Variants in CNTN5 observed in about 807,000 individuals in gnomAD.
The protein encoded by CNTN5 is contactin-5.
In CNTN5, 77 loss-of-function variants were observed where a neutral mutation model predicts 129.1. The observed-to-expected ratio is 0.60, with a 90% CI of 0.50 to 0.72. The LOEUF (loss-of-function observed/expected upper bound fraction) is 0.72. Ranked by LOEUF, CNTN5 falls within the 30% of genes least tolerant of loss-of-function variation. The pLI, the probability that CNTN5 is intolerant of heterozygous loss-of-function variation, is 0.00. For synonymous variants in CNTN5, 509 were observed against 465.6 expected (o/e 1.09, Z -1.20); for missense variants, 1,478 against 1,328.8 (o/e 1.11, Z -1.75).
intron 13 of CNTN5, among the ~76,000 whole-genome samples, chr11:100,153,416 T>C (rs1432162167): frequency 2.6e-5 from 4 of 152,152 alleles, no homozygotes; most frequent in African/African-American, 4.8e-5. Context: ...ATTTTAAATA[T>C]TGAAAATTCC....
chr11:100,340,317 A>G, intron 21 of CNTN5, 146 bp from the exon 22 acceptor site: 1 of 592,084 alleles, frequency 1.7e-6, no homozygotes, highest in Non-Finnish European at 3.0e-6. Context: ...TGGCCTTATT[A>G]GTAAGACCTG....
At chr11:99,678,470 A>G (rs1337552604) in intron 3 of CNTN5, among the ~76,000 whole-genome samples, 2 of 152,146 alleles carry the variant, frequency 1.3e-5, no homozygotes, top group African/African-American at 4.8e-5. Context: ...CCAGACATCC[A>G]GGAAGGAATG....
chr11:99,576,894 A>G (rs1349781644), intron 3 of CNTN5, among the ~76,000 whole-genome samples: 1 of 152,162 alleles, frequency 6.6e-6, no homozygotes, highest in Non-Finnish European at 1.5e-5. Context: ...TCTTCATACT[A>G]TCACCTTGGG....
intron 8 of CNTN5, among the ~76,000 whole-genome samples, chr11:99,977,960 TTTGG>T (rs1462155246): frequency 6.6e-6 from 1 of 152,218 alleles, no homozygotes; most frequent in Non-Finnish European, 1.5e-5. Context: ...TTTACTGTAT[TTTGG>T]TTGAATTACA....
chr11:99,343,021 C>A (rs1282998606), intron 2 of CNTN5, among the ~76,000 whole-genome samples: 2 of 151,938 alleles, frequency 1.3e-5, no homozygotes, highest in Non-Finnish European at 1.5e-5. Flanking sequence ...GGAAAGGGAG[C>A]ATTAGATTGC....
intron 13 of CNTN5, among the ~76,000 whole-genome samples, chr11:100,107,701 C>A (rs1404509748): frequency 6.6e-6 from 1 of 151,948 alleles, no homozygotes; most frequent in Non-Finnish European, 1.5e-5. Flanking sequence ...CATATCACCA[C>A]AAATTCATCA....
intron 1 of CNTN5, among the ~76,000 whole-genome samples, chr11:99,132,379 A>G (rs1451076428): frequency 6.6e-6 from 1 of 152,184 alleles, no homozygotes; most frequent in Non-Finnish European, 1.5e-5. Flanking sequence ...CTGTTATTCA[A>G]CATAGTATTG....
intron 6 of CNTN5, among the ~76,000 whole-genome samples, chr11:99,863,721 G>C (rs964102901): frequency 2.6e-5 from 4 of 152,136 alleles, no homozygotes; most frequent in Non-Finnish European, 5.9e-5. Flanking sequence ...TACTATTGCT[G>C]TTGTTAGCCT....
At chr11:99,737,699 C>T in intron 3 of CNTN5, among the ~76,000 whole-genome samples, 1 of 151,868 alleles carries the variant, frequency 6.6e-6, no homozygotes, top group Non-Finnish European at 1.5e-5. Flanking sequence ...GGTGTAATTC[C>T]AAACTTCCCA....
At chr11:99,820,483 T>C (rs578155351) in intron 4 of CNTN5, among the ~76,000 whole-genome samples, 2,057 of 151,016 alleles carry the variant, frequency 0.014, no homozygotes, top group Non-Finnish European at 0.021. Context: ...TAAAGACTGC[T>C]CTACAGCTAT....
At chr11:99,070,037 C>G (rs1484515214) in intron 1 of CNTN5, among the ~76,000 whole-genome samples, 1 of 152,178 alleles carries the variant, frequency 6.6e-6, no homozygotes, top group East Asian at 1.9e-4. Context: ...CTTCAGGCTG[C>G]CTCTCTCCAG....
intron 3 of CNTN5, among the ~76,000 whole-genome samples, chr11:99,665,701 G>C (rs961670452): frequency 2.6e-5 from 4 of 151,660 alleles, no homozygotes; most frequent in African/African-American, 9.7e-5. Context: ...TGGCCAGGCT[G>C]ATCTCCAATT....
rs1209818801 is a variant in CNTN5 at position 100,171,557 on chromosome 11, A to C, written c.1581-19569A>C. Among the ~76,000 whole-genome samples, 3 of 152,050 alleles carry C rather than the reference A, an allele frequency of 2.0e-5. No homozygotes were observed. In the East Asian group the frequency reaches 5.8e-4, roughly 30 times the overall value. The stretch of plus-strand genomic sequence containing the variant: ...AGCACTGTGAAGAGCTACAGGGTAA[A>C]TGATTCAATGCCACCTCAACTATGT... On this transcript the variant is annotated intron_variant, in intron 13 of 24. Coordinates refer to ENST00000524871, the MANE Select transcript of CNTN5 (RefSeq NM_014361.4).
chr11:99,835,755 A>C (rs1476145076), intron 4 of CNTN5, among the ~76,000 whole-genome samples: 1 of 152,224 alleles, frequency 6.6e-6, no homozygotes, highest in Non-Finnish European at 1.5e-5. Context: ...GAGCACTATA[A>C]CTGGTCAAGC....
chr11:99,354,817 G>T (rs4631845), intron 2 of CNTN5, among the ~76,000 whole-genome samples: 1 of 152,026 alleles, frequency 6.6e-6, no homozygotes, highest in African/African-American at 2.4e-5. Flanking sequence ...ACAGTTCCAT[G>T]TTTAAAACCC....
chr11:99,659,881 C>G (rs907556611), intron 3 of CNTN5, among the ~76,000 whole-genome samples: 1 of 152,078 alleles, frequency 6.6e-6, no homozygotes, highest in Non-Finnish European at 1.5e-5. Flanking sequence ...ATTATCTTAA[C>G]CAAATCTAGT....
At chr11:100,101,341 GGTAAAT>G (rs1945216465) in intron 13 of CNTN5, among the ~76,000 whole-genome samples, 2 of 152,144 alleles carry the variant, frequency 1.3e-5, no homozygotes, top group Admixed American at 1.3e-4. Context: ...TGGGGAGGAA[GGTAAAT>G]GCTCAAGAAG....
chr11:99,236,469 AACACACACAC>A (rs33985126), intron 1 of CNTN5, among the ~76,000 whole-genome samples: 43 of 150,084 alleles, frequency 2.9e-4, no homozygotes, highest in South Asian at 6.3e-4. Context: ...CTCACACACA[AACACACACAC>A]ACACACACAC....
At chr11:99,255,619 T>A (rs1403201974) in intron 1 of CNTN5, among the ~76,000 whole-genome samples, 1 of 151,612 alleles carries the variant, frequency 6.6e-6, no homozygotes, top group Non-Finnish European at 1.5e-5. Context: ...CACAAAAAAA[T>A]TTACATCTAT....
Sources: allele counts gnomAD v4.1 joint callset (sites outside exome capture counted in the v4.1 genomes callset), GRCh38; gene constraint gnomAD v4.1.1; transcripts MANE v1.5; gene names NCBI Gene and HGNC (gene_info 2026-07-23, HGNC 2026-07-21).